The following TENM3 variants were observed in gnomAD, a reference collection of about 807,000 sequenced individuals.
TENM3 encodes teneurin-3.
In TENM3, 63 loss-of-function variants were observed where a neutral mutation model predicts 255.1. The ratio of observed to expected loss-of-function variants is 0.25; its 90% CI spans 0.20 to 0.30. TENM3 has a LOEUF of 0.30. Ranked by LOEUF, TENM3 falls within the 10% of genes least tolerant of loss-of-function variation. The pLI, the probability that TENM3 is intolerant of heterozygous loss-of-function variation, is 1.00. For synonymous variants in TENM3, 1,306 were observed against 1,322.3 expected, an observed-to-expected ratio of 0.99 and a Z score of 0.27; for missense variants, 2,929 against 3,461.1, an observed-to-expected ratio of 0.85 and a Z score of 3.86.
Position 182,730,927 on chromosome 4 carries a change from C to T in TENM3, c.2755C>T (p.Arg919Ter), listed in dbSNP as rs771735654. 6.2e-7 allele frequency: 1 copy of T among 1,613,866 alleles called. No individual in the cohort carries two copies. The highest frequency in any genetic ancestry group is 8.5e-7 in the Non-Finnish European group (1 of 1,179,834). ...GGASLTLVFE[R>*]SPFLTQYHTV... The stretch of plus-strand genomic sequence containing the variant: ...GGCCTCTCTAACTTTGGTATTTGAA[C>T]GATCCCCATTCCTCACTCAGTATCA... The change falls in exon 16 of 28, where the codon CGA (arginine) becomes TGA (stop). Residue 919 changes from arginine (R) to a stop codon, truncating the protein, a stop_gained. Coordinates refer to ENST00000511685, the MANE Select transcript of TENM3 (RefSeq NM_001080477.4). LOFTEE classifies it high-confidence loss of function.
chr4:182,175,829 CGTGGGTGCAT>C (rs1256516292), intron 1 of TENM3, among the ~76,000 whole-genome samples: 1 of 152,132 alleles, frequency 6.6e-6, no homozygotes, highest in African/African-American at 2.4e-5. Context: ...GTCGTGTGCA[CGTGGGTGCAT>C]GCGGAACACT....
At chr4:182,399,271 T>C (rs1769065020) in intron 3 of TENM3, among the ~76,000 whole-genome samples, 1 of 152,216 alleles carries the variant, frequency 6.6e-6, no homozygotes, top group South Asian at 2.1e-4. Flanking sequence ...GACACTGTTT[T>C]AGAATACTTA....
At chr4:182,311,550 T>C (rs1762446869) in intron 1 of TENM3, among the ~76,000 whole-genome samples, 1 of 152,250 alleles carries the variant, frequency 6.6e-6, no homozygotes, top group Non-Finnish European at 1.5e-5. Context: ...AGGTGATTTC[T>C]GACTCTATGA....
At chr4:182,068,785 G>T in the TENM3 span, among the ~76,000 whole-genome samples, 91 of 152,102 alleles carry the variant, frequency 6.0e-4, no homozygotes, top group African/African-American at 2.0e-3. Flanking sequence ...CAAAATATTT[G>T]AGTAATCTCT....
chr4:182,249,185 A>G (rs112565247), intron 1 of TENM3, among the ~76,000 whole-genome samples: 8,173 of 152,252 alleles, frequency 0.054, 733 homozygotes, highest in African/African-American at 0.18. Flanking sequence ...TGGAAATGGG[A>G]GTCATGTGGT....
intron 3 of TENM3, among the ~76,000 whole-genome samples, chr4:182,591,263 G>A (rs950725609): frequency 2.6e-5 from 4 of 152,094 alleles, no homozygotes; most frequent in African/African-American, 9.7e-5. Flanking sequence ...AAGAGAGAGA[G>A]AACGTGAAGA....
the TENM3 span, among the ~76,000 whole-genome samples, chr4:182,042,277 C>A: frequency 0.014 from 2,170 of 152,238 alleles, 21 homozygotes; most frequent in Admixed American, 0.021. Context: ...CAAATGGTAA[C>A]CATGGTCTAG....
intron 16 of TENM3, among the ~76,000 whole-genome samples, chr4:182,732,069 C>G (rs1368998804): frequency 1.3e-5 from 2 of 152,096 alleles, no homozygotes. Context: ...GTGTGAGCCA[C>G]CGCACCCGGC....
chr4:181,794,173 T>G, the TENM3 span, among the ~76,000 whole-genome samples: 84 of 147,150 alleles, frequency 5.7e-4, no homozygotes, highest in African/African-American at 1.9e-3. Flanking sequence ...AAATTACATA[T>G]TTTTATGGTG....
rs1767007548 is a variant in TENM3 at position 182,801,997 on chromosome 4, A to G, written c.*1646A>G. ...GTACACACTGTTTTCCTCTATGTATAATGGTGATAAAATATAGCAAGTGAA... is the reference window on the plus strand; with the variant it reads ...GTACACACTGTTTTCCTCTATGTATGATGGTGATAAAATATAGCAAGTGAA... On this transcript the variant is annotated 3_prime_UTR_variant, in exon 28 of 28. Transcript: ENST00000511685. The G allele has an allele frequency of 6.6e-6, 1 of 152,566 alleles. No individual in the cohort carries two copies. Among genetic ancestry groups the G allele is most frequent in the Non-Finnish European group, 1.5e-5 (1 of 67,994 alleles). 9.5% of individuals were successfully genotyped at this position (152,566 alleles called of 1,614,324 possible). A position where few individuals can be genotyped will look rare whatever the true frequency, so the allele number is the denominator to read the frequency against.
the TENM3 span, among the ~76,000 whole-genome samples, chr4:181,802,934 T>C: frequency 6.6e-6 from 1 of 152,228 alleles, no homozygotes; most frequent in African/African-American, 2.4e-5. Context: ...TATTTTTACT[T>C]TTCTCATCTA....
chr4:182,334,394 C>T (rs540022894), intron 2 of TENM3, among the ~76,000 whole-genome samples: 2 of 152,088 alleles, frequency 1.3e-5, no homozygotes, highest in African/African-American at 4.8e-5. Context: ...AATAGAATTC[C>T]GGTGGGTTAG....
Position 182,421,809 on chromosome 4 carries a change from T to G in TENM3, c.511+74880T>G, listed in dbSNP as rs1220076546. 2.6e-5 allele frequency among the ~76,000 whole-genome samples: 4 copies of G among 152,314 alleles called. No homozygotes were observed. The East Asian group carries it at 7.7e-4, about 29-fold the overall frequency. On this transcript the variant is annotated intron_variant, in intron 3 of 27. Coordinates refer to ENST00000511685, the MANE Select transcript of TENM3 (RefSeq NM_001080477.4). ...GAATATTCAATTCTTGATTTGCAAC[T>G]TAGTCCATACCAACTAGCCAAAGTC... is the stretch of plus-strand genomic sequence containing the variant.
the TENM3 span, among the ~76,000 whole-genome samples, chr4:181,939,515 C>A: frequency 1.3e-5 from 2 of 152,330 alleles, no homozygotes; most frequent in South Asian, 4.1e-4. Context: ...TGCCTGTGAA[C>A]CTTGGAGAGA....
intron 1 of TENM3, among the ~76,000 whole-genome samples, chr4:182,262,783 A>G (rs138586507): frequency 0.2 from 28,167 of 139,068 alleles, 3,354 homozygotes; most frequent in East Asian, 0.37. Context: ...GCCTGATCTC[A>G]GCTCACTCCA....
chr4:181,921,509 G>T, the TENM3 span, among the ~76,000 whole-genome samples: 1 of 152,166 alleles, frequency 6.6e-6, no homozygotes, highest in Admixed American at 6.6e-5. Flanking sequence ...GTGAATGGGA[G>T]TTCCCTCATG....
chr4:182,365,243 A>C (rs1405889686), intron 3 of TENM3, among the ~76,000 whole-genome samples: 1 of 152,002 alleles, frequency 6.6e-6, no homozygotes, highest in African/African-American at 2.4e-5. Flanking sequence ...TTCTGTGTGG[A>C]TGTATGAAGA....
At chr4:182,685,821 A>G (rs1756527259) in intron 11 of TENM3, among the ~76,000 whole-genome samples, 1 of 152,120 alleles carries the variant, frequency 6.6e-6, no homozygotes, top group Non-Finnish European at 1.5e-5. Context: ...ATATAAAGTT[A>G]TTATAGTATA....
the TENM3 span, among the ~76,000 whole-genome samples, chr4:181,692,991 G>A: frequency 3.9e-5 from 6 of 152,064 alleles, no homozygotes; most frequent in Non-Finnish European, 8.8e-5. Flanking sequence ...GGACAGTTTG[G>A]GATCCCCTTG....
Sources: gnomAD v4.1 joint callset for allele counts (sites outside exome capture counted in the v4.1 genomes callset) on GRCh38, gnomAD v4.1.1 for gene constraint, MANE v1.5 for transcripts, NCBI Gene and HGNC (gene_info 2026-07-23, HGNC 2026-07-21) for gene names.